The following NAALADL2 variants were observed in gnomAD, a reference collection of about 807,000 sequenced individuals.
NAALADL2 encodes the protein N-acetylated alpha-linked acidic dipeptidase like 2, also known as inactive N-acetylated-alpha-linked acidic dipeptidase-like protein 2.
A neutral mutation model predicts 87.2 loss-of-function variants in NAALADL2; 76 were observed. The ratio of observed to expected loss-of-function variants is 0.87; its 90% CI spans 0.72 to 1.05. The LOEUF (loss-of-function observed/expected upper bound fraction) is 1.05. NAALADL2 is among the 50% of genes least tolerant of loss of function. NAALADL2 has a pLI of 0.00. For missense variants in NAALADL2, 1,089 were observed against 945.8 expected, an observed-to-expected ratio of 1.15 and a Z score of -1.99; for synonymous variants, 354 against 331.0, an observed-to-expected ratio of 1.07 and a Z score of -0.75.
Position 175,059,625 on chromosome 3 carries a change from G to C in NAALADL2, c.44-37165G>C, listed in dbSNP as rs561524934. 8.3e-6 allele frequency: 3 copies of C among 359,618 alleles called. No individual in the cohort carries two copies. The Admixed American group carries it at 1.0e-4, about 12-fold the overall frequency. The allele number at this position is 359,618 out of a possible 1,614,324, so 22.3% of individuals were successfully genotyped here. ...TCAGTATGATGGAAAATGGCAACAA[G>C]TGCATGTTTTTTGGCTTTCTTTGAT... On this transcript the variant is annotated intron_variant, in intron 1 of 13. Coordinates refer to ENST00000454872, the MANE Select transcript of NAALADL2 (RefSeq NM_207015.3).
At position 175,357,613 on chromosome 3, in the gene NAALADL2, T is replaced by C. The variant is rs1294249982; in HGVS notation, c.1090+33288T>C. On this transcript the variant is annotated intron_variant, in intron 5 of 13. Transcript: ENST00000454872. The stretch of plus-strand genomic sequence containing the variant: ...ATATTCCATCACTCATGTTGACAAA[T>C]TTCTAATACAATATATGCAACAAAC... Among the ~76,000 whole-genome samples the C allele has an allele frequency of 3.3e-5, 5 of 152,170 alleles. 1 individual carries two copies.
At chr3:174,963,631 C>G (rs759686544) in intron 1 of NAALADL2, among the ~76,000 whole-genome samples, 1 of 152,074 alleles carries the variant, frequency 6.6e-6, no homozygotes. Context: ...ATGCCTGTGT[C>G]CGCCATGGTT....
intron 1 of NAALADL2, among the ~76,000 whole-genome samples, chr3:174,996,616 T>G (rs1248421668): frequency 6.6e-6 from 1 of 152,210 alleles, no homozygotes; most frequent in Non-Finnish European, 1.5e-5. Context: ...CCCACCTTAT[T>G]GAAAACCAGC....
At chr3:175,663,114 C>T (rs1732483495) in intron 11 of NAALADL2, among the ~76,000 whole-genome samples, 1 of 151,748 alleles carries the variant, frequency 6.6e-6, no homozygotes, top group Non-Finnish European at 1.5e-5. Flanking sequence ...TGGTAGAATT[C>T]AGCAGTGTAT....
chr3:175,539,164 C>T (rs962883591), intron 9 of NAALADL2, among the ~76,000 whole-genome samples: 20 of 152,140 alleles, frequency 1.3e-4, no homozygotes, highest in African/African-American at 1.4e-4. Flanking sequence ...TCTTGAGTCG[C>T]AGCAGTTAGA....
At chr3:175,661,593 T>C (rs1183217385) in intron 11 of NAALADL2, among the ~76,000 whole-genome samples, 1 of 151,862 alleles carries the variant, frequency 6.6e-6, no homozygotes, top group Admixed American at 6.6e-5. Flanking sequence ...CAAGTTCCTG[T>C]AGCATTTTCT....
intron 10 of NAALADL2, among the ~76,000 whole-genome samples, chr3:175,591,535 A>T (rs899693595): frequency 1.3e-5 from 2 of 152,040 alleles, no homozygotes; most frequent in Non-Finnish European, 2.9e-5. Flanking sequence ...GCTATGCATT[A>T]AGAACAGATA....
At chr3:174,614,777 C>T (rs1381363004) in intron 2 of NAALADL2, among the ~76,000 whole-genome samples, 1 of 151,970 alleles carries the variant, frequency 6.6e-6, no homozygotes, top group African/African-American at 2.4e-5. Flanking sequence ...TCCATTTTGC[C>T]CCCTTGCTTC....
chr3:174,511,098 TA>T (rs1719572784), intron 1 of NAALADL2, among the ~76,000 whole-genome samples: 1 of 152,030 alleles, frequency 6.6e-6, no homozygotes, highest in African/African-American at 2.4e-5. Flanking sequence ...AAGATTTTTT[TA>T]TGACCCAGAA....
rs747934596 is a variant in NAALADL2 at position 174,912,708 on chromosome 3, C to G, written c.43+53258C>G. Among the ~76,000 whole-genome samples the G allele has an allele frequency of 7.9e-5, 12 of 151,798 alleles. No homozygotes were observed. The East Asian group carries it at 2.3e-3, about 29-fold the overall frequency. ...AATTTCTAGATAGAATAAAATAAGA[C>G]AAGGTTAATTGTTGGCAATGGTCTG... is the stretch of plus-strand genomic sequence containing the variant. On this transcript the variant is annotated intron_variant, in intron 1 of 13. Coordinates refer to ENST00000454872, the MANE Select transcript of NAALADL2 (RefSeq NM_207015.3).
At chr3:174,896,498 C>G (rs963524264) in intron 1 of NAALADL2, among the ~76,000 whole-genome samples, 4 of 152,020 alleles carry the variant, frequency 2.6e-5, no homozygotes, top group Non-Finnish European at 2.9e-5. Flanking sequence ...TTATAAAACA[C>G]TGATGAAGGA....
At chr3:174,929,494 C>A (rs1324741993) in intron 1 of NAALADL2, among the ~76,000 whole-genome samples, 1 of 152,032 alleles carries the variant, frequency 6.6e-6, no homozygotes, top group Non-Finnish European at 1.5e-5. Context: ...GCCTTAGAAT[C>A]ATCTTTTAGA....
chr3:174,583,433 G>T (rs1355367050), intron 2 of NAALADL2, among the ~76,000 whole-genome samples: 1 of 152,158 alleles, frequency 6.6e-6, no homozygotes, highest in African/African-American at 2.4e-5. Context: ...ACATGGGATG[G>T]TTCAATCTGG....
intron 3 of NAALADL2, among the ~76,000 whole-genome samples, chr3:175,236,678 A>G (rs1415278594): frequency 3.3e-5 from 5 of 152,178 alleles, no homozygotes; most frequent in Non-Finnish European, 7.3e-5. Flanking sequence ...TGGAGGGAAG[A>G]AAGTCAGGGA....
intron 2 of NAALADL2, among the ~76,000 whole-genome samples, chr3:175,158,884 A>G (rs1264482037): frequency 6.6e-6 from 1 of 152,126 alleles, no homozygotes; most frequent in African/African-American, 2.4e-5. Flanking sequence ...CTGAAAAATT[A>G]TATGCTTATT....
chr3:174,546,405 C>T (rs1163889843), intron 1 of NAALADL2, among the ~76,000 whole-genome samples: 2 of 152,138 alleles, frequency 1.3e-5, no homozygotes, highest in African/African-American at 2.4e-5. Flanking sequence ...TCTGGTTCTA[C>T]AGTCAGAGAA....
chr3:175,216,376 G>A (rs1404794637), intron 2 of NAALADL2, among the ~76,000 whole-genome samples: 1 of 152,110 alleles, frequency 6.6e-6, no homozygotes, highest in African/African-American at 2.4e-5. Context: ...GAGGCTTTAA[G>A]AGAGTATTCA....
chr3:175,743,448 A>G (rs1344917744), intron 12 of NAALADL2, among the ~76,000 whole-genome samples: 1 of 152,240 alleles, frequency 6.6e-6, no homozygotes, highest in African/African-American at 2.4e-5. Context: ...GAACAGGCAG[A>G]GTTGGGTTTA....
chr3:175,462,229 A>T (rs928095281), intron 6 of NAALADL2, among the ~76,000 whole-genome samples: 9 of 152,094 alleles, frequency 5.9e-5, no homozygotes, highest in Non-Finnish European at 2.9e-5. Context: ...ATTTTTGCAA[A>T]CCTAAAATGC....
Sources: allele counts gnomAD v4.1 joint callset (sites outside exome capture counted in the v4.1 genomes callset), GRCh38; gene constraint gnomAD v4.1.1; transcripts MANE v1.5; gene names NCBI Gene and HGNC (gene_info 2026-07-23, HGNC 2026-07-21).